HDAC9: variants seen among roughly 807,000 people sequenced by gnomAD.
HDAC9 encodes the protein histone deacetylase 9, also known as MEF-2 interacting transcription repressor (MITR) protein.
HDAC9 carries 41 observed loss-of-function variants against 139.4 expected under a neutral mutation model. The observed-to-expected ratio is 0.29, with a 90% CI of 0.23 to 0.38. The LOEUF (loss-of-function observed/expected upper bound fraction) is 0.38. Ranked by LOEUF, HDAC9 falls within the 10% of genes least tolerant of loss-of-function variation. The pLI is 1.00. For synonymous variants in HDAC9, 517 were observed against 476.2 expected (o/e 1.09, Z -1.12); for missense variants, 1,147 against 1,297.0 (o/e 0.88, Z 1.78).
chr7:18,221,254 C>T (rs1489150952), intron 2 of HDAC9, among the ~76,000 whole-genome samples: 3 of 151,900 alleles, frequency 2.0e-5, no homozygotes, highest in African/African-American at 7.3e-5. Flanking sequence ...TACAGGGGCC[C>T]GCCGCCATGC....
chr7:18,617,887 A>C lies in HDAC9; in HGVS notation c.665-11463A>C, dbSNP rs73063149. The stretch of plus-strand genomic sequence containing the variant: ...TTTGCTAAATAATTTTTAAGAATTT[A>C]ATTTGCAATAACATTTTGGAGGTAG... On this transcript the variant is annotated intron_variant, in intron 6 of 25. Transcript: ENST00000686413. 1.0e-2 allele frequency among the ~76,000 whole-genome samples: 1,521 copies of C among 152,318 alleles called. 16 individuals are homozygous for C. Among genetic ancestry groups the C allele is most frequent in the Non-Finnish European group, 0.015 (1,043 of 68,026 alleles).
chr7:18,672,030 G>C (rs1316327752), intron 12 of HDAC9, among the ~76,000 whole-genome samples: 1 of 151,908 alleles, frequency 6.6e-6, no homozygotes, highest in East Asian at 1.9e-4. Context: ...CGTGTACAAG[G>C]CTTTTGTGAG....
intron 16 of HDAC9, among the ~76,000 whole-genome samples, chr7:18,782,758 G>C (rs1291671105): frequency 6.6e-6 from 1 of 151,836 alleles, no homozygotes; most frequent in Non-Finnish European, 1.5e-5. Flanking sequence ...GCATCGTCTT[G>C]TGCTGTGTTA....
At chr7:18,411,290 C>A (rs961736238) in intron 1 of HDAC9, among the ~76,000 whole-genome samples, 7 of 152,174 alleles carry the variant, frequency 4.6e-5, no homozygotes, top group African/African-American at 1.7e-4. Flanking sequence ...AAGTAATACA[C>A]CTTCAGCAGA....
At chr7:18,343,346 A>T (rs971270735) in intron 1 of HDAC9, among the ~76,000 whole-genome samples, 3 of 151,882 alleles carry the variant, frequency 2.0e-5, no homozygotes, top group African/African-American at 7.2e-5. Flanking sequence ...GTAATTAGTA[A>T]CTTGGTATTT....
chr7:18,773,353 A>C lies in HDAC9; in HGVS notation c.2214+6198A>C, dbSNP rs199925048. ...CTGGGGCCATAAGACCTATTTTTTT[A>C]AAAAACTGTATACACACACACACAC... On this transcript the variant is annotated intron_variant, in intron 16 of 25. Transcript: ENST00000686413. 2.7e-5 allele frequency among the ~76,000 whole-genome samples: 4 copies of C among 146,078 alleles called. No individual in the cohort carries two copies. The East Asian group carries it at 8.0e-4, about 29-fold the overall frequency.
At position 18,990,551 on chromosome 7, in the gene HDAC9, C is replaced by G. The variant is rs578037902; in HGVS notation, c.3171-5472C>G. Among the ~76,000 whole-genome samples the G allele has an allele frequency of 2.0e-5, 3 of 152,356 alleles. No homozygotes were observed. In the East Asian group the frequency reaches 5.8e-4, roughly 29 times the overall value. On this transcript the variant is annotated intron_variant, in intron 25 of 25. Coordinates refer to ENST00000686413, the MANE Select transcript of HDAC9 (RefSeq NM_178425.4). ...GTGGAGCCTATAGAGGCAGGCAGGC[C>G]TCCTTGAGCTGTGGTGGGCTCCACC...
chr7:18,194,168 C>A (rs1790567698), intron 2 of HDAC9, among the ~76,000 whole-genome samples: 1 of 152,088 alleles, frequency 6.6e-6, no homozygotes, highest in South Asian at 2.1e-4. Flanking sequence ...TCTTTTAAAT[C>A]TTTGCTAATT....
At chr7:18,663,694 T>C (rs1793925266) in intron 11 of HDAC9, among the ~76,000 whole-genome samples, 1 of 152,150 alleles carries the variant, frequency 6.6e-6, no homozygotes, top group African/African-American at 2.4e-5. Flanking sequence ...CCAGTAACTT[T>C]TCAGCTGTGC....
chr7:18,612,915 T>G (rs969552538), intron 6 of HDAC9, among the ~76,000 whole-genome samples: 4 of 151,918 alleles, frequency 2.6e-5, no homozygotes, highest in African/African-American at 9.6e-5. Flanking sequence ...GTTTTAAAAA[T>G]AGGTATGTTA....
intron 1 of HDAC9, chr7:18,327,816 T>G (rs1487291727): frequency 2.6e-5 from 4 of 152,000 alleles, no homozygotes; most frequent in Non-Finnish European, 5.9e-5. Context: ...TTTAATTACA[T>G]AACAATTTTT....
intron 22 of HDAC9, among the ~76,000 whole-genome samples, chr7:18,885,161 G>A (rs1462457736): frequency 1.3e-5 from 2 of 152,226 alleles, no homozygotes; most frequent in Non-Finnish European, 2.9e-5. Flanking sequence ...GGTCGTAAGG[G>A]TGAAAGCACA....
intron 17 of HDAC9, among the ~76,000 whole-genome samples, chr7:18,799,774 T>C (rs561586932): frequency 6.6e-6 from 1 of 152,256 alleles, no homozygotes; most frequent in South Asian, 2.1e-4. Context: ...CAAAGGTCTG[T>C]AGGACATGAT....
chr7:18,367,628 T>C (rs1437030367), intron 1 of HDAC9, among the ~76,000 whole-genome samples: 1 of 152,152 alleles, frequency 6.6e-6, no homozygotes, highest in Non-Finnish European at 1.5e-5. Context: ...TTTGCTATTA[T>C]GGCAATCATT....
chr7:18,841,287 G>A (rs73312699), intron 21 of HDAC9, among the ~76,000 whole-genome samples: 2,681 of 151,990 alleles, frequency 0.018, 33 homozygotes, highest in African/African-American at 0.029. Context: ...TGACAATTAA[G>A]TAAATACTGT....
chr7:18,396,492 C>T (rs1787075548), intron 1 of HDAC9, among the ~76,000 whole-genome samples: 1 of 151,994 alleles, frequency 6.6e-6, no homozygotes, highest in Non-Finnish European at 1.5e-5. Context: ...GATATTCCCC[C>T]CTCCCCACCT....
intron 22 of HDAC9, among the ~76,000 whole-genome samples, chr7:18,926,115 G>A (rs200823328): frequency 2.6e-5 from 4 of 152,282 alleles, no homozygotes; most frequent in East Asian, 3.9e-4. Flanking sequence ...CTGGGAGGCC[G>A]AGGCAGGAGG....
At chr7:18,126,756 G>C (rs1784698538) in intron 1 of HDAC9, among the ~76,000 whole-genome samples, 1 of 152,112 alleles carries the variant, frequency 6.6e-6, no homozygotes, top group African/African-American at 2.4e-5. Flanking sequence ...GGGTTTACTA[G>C]TGCTGGCTGT....
chr7:18,199,754 CAAAAAAAAAAAAAA>C (rs59883693), intron 2 of HDAC9, among the ~76,000 whole-genome samples: 1 of 55,710 alleles, frequency 1.8e-5, no homozygotes, highest in African/African-American at 7.4e-5. Context: ...ATGTGTCTAC[CAAAAAAAAAAAAAA>C]AAAAAAAAAA....
Sources: gnomAD v4.1 joint callset for allele counts (sites outside exome capture counted in the v4.1 genomes callset) on GRCh38, gnomAD v4.1.1 for gene constraint, MANE v1.5 for transcripts, NCBI Gene and HGNC (gene_info 2026-07-23, HGNC 2026-07-21) for gene names.